LTBP1: variants seen among roughly 807,000 people sequenced by gnomAD.
The protein encoded by LTBP1 is latent transforming growth factor beta binding protein 1, also known as latent-transforming growth factor beta-binding protein 1.
Under a neutral mutation model 207.6 loss-of-function variants are expected in LTBP1, and 129 were observed. The observed-to-expected ratio is 0.62, with a 90% CI of 0.54 to 0.72. The LOEUF is 0.72. Among genes scored for constraint, LTBP1 ranks in the 30% least tolerant of loss-of-function variants. The pLI, the probability that LTBP1 is intolerant of heterozygous loss-of-function variation, is 0.00. For missense variants in LTBP1, 2,281 were observed against 2,217.2 expected, an observed-to-expected ratio of 1.03 and a Z score of -0.58; for synonymous variants, 963 against 833.7, an observed-to-expected ratio of 1.16 and a Z score of -2.67.
chr2:33,173,925 T>G (rs1429383420), intron 5 of LTBP1, among the ~76,000 whole-genome samples: 263 of 139,364 alleles, frequency 1.9e-3, no homozygotes, highest in Non-Finnish European at 2.8e-3. Context: ...TCTCAATAGA[T>G]GCAGAAAAGA....
intron 9 of LTBP1, among the ~76,000 whole-genome samples, chr2:33,232,599 T>C (rs1451039996): frequency 6.6e-6 from 1 of 152,156 alleles, no homozygotes; most frequent in Non-Finnish European, 1.5e-5. Context: ...TGTTTCTTCT[T>C]TTGGGGAGGA....
chr2:33,375,176 A>C (rs187284869), intron 31 of LTBP1, among the ~76,000 whole-genome samples: 4 of 152,172 alleles, frequency 2.6e-5, no homozygotes, highest in Non-Finnish European at 5.9e-5. Context: ...TGGCTCTTAC[A>C]TGCTCAAGAG....
At chr2:33,078,356 C>T (rs34730627) in intron 3 of LTBP1, among the ~76,000 whole-genome samples, 9,887 of 152,200 alleles carry the variant, frequency 0.065, 411 homozygotes, top group South Asian at 0.18. Context: ...TTAGCACAGG[C>T]CCACAGTGCC....
intron 3 of LTBP1, among the ~76,000 whole-genome samples, chr2:33,075,908 T>C (rs1274698816): frequency 1.3e-5 from 2 of 152,246 alleles, no homozygotes; most frequent in Non-Finnish European, 2.9e-5. Context: ...TTCTAGGCAT[T>C]AGGTCCTCTT....
intron 3 of LTBP1, among the ~76,000 whole-genome samples, chr2:33,045,669 T>TGG (rs2076407844): frequency 6.6e-6 from 1 of 152,118 alleles, no homozygotes; most frequent in Admixed American, 6.5e-5. Flanking sequence ...GGTAGCTTGA[T>TGG]GGGGATAGCA....
chr2:32,966,511 G>A (rs1680027966), intron 2 of LTBP1, among the ~76,000 whole-genome samples: 1 of 152,136 alleles, frequency 6.6e-6, no homozygotes. Flanking sequence ...GGTGTTAGCT[G>A]TATGTTTTTT....
chr2:33,278,168 A>T (rs1448958699), intron 18 of LTBP1, among the ~76,000 whole-genome samples: 2 of 152,062 alleles, frequency 1.3e-5, no homozygotes, highest in Non-Finnish European at 2.9e-5. Flanking sequence ...ACGGGTCAAG[A>T]ATGGAAAGAT....
chr2:32,952,444 T>C (rs1348510605), intron 2 of LTBP1, among the ~76,000 whole-genome samples: 3 of 152,228 alleles, frequency 2.0e-5, no homozygotes, highest in Non-Finnish European at 4.4e-5. Flanking sequence ...TCGTGTGGGA[T>C]GTGTCATTTT....
Position 33,372,404 on chromosome 2 carries a change from G to A in LTBP1, c.4711+6901G>A, listed in dbSNP as rs116447768. On this transcript the variant is annotated intron_variant, in intron 31 of 33. Transcript: ENST00000404816. ...AACAATGAGCATAATAAGAGGCAAT[G>A]TGTCATCAAATCTGTAGCCACAGAC... Among the ~76,000 whole-genome samples, 191 of 152,314 alleles carry A rather than the reference G, an allele frequency of 1.3e-3. 3 individuals carry two copies. The highest frequency in any genetic ancestry group is 4.4e-3 in the African/African-American group (183 of 41,584).
intron 31 of LTBP1, among the ~76,000 whole-genome samples, chr2:33,379,024 A>T (rs2095179539): frequency 6.6e-6 from 1 of 152,110 alleles, no homozygotes. Context: ...AGATTACAAA[A>T]CATTAGCTCA....
At chr2:32,972,672 A>T (rs973368923) in intron 2 of LTBP1, among the ~76,000 whole-genome samples, 3 of 152,186 alleles carry the variant, frequency 2.0e-5, no homozygotes, top group Non-Finnish European at 2.9e-5. Flanking sequence ...TGACTGGATC[A>T]TGGGGATGGT....
chr2:33,048,059 C>T (rs553458792), intron 3 of LTBP1, among the ~76,000 whole-genome samples: 19 of 152,064 alleles, frequency 1.2e-4, no homozygotes, highest in African/African-American at 4.6e-4. Flanking sequence ...AAGGGATGAA[C>T]CTTGCATAAA....
At chr2:33,272,039 T>C (rs1369653911) in intron 15 of LTBP1, among the ~76,000 whole-genome samples, 2 of 152,256 alleles carry the variant, frequency 1.3e-5, no homozygotes, top group Non-Finnish European at 2.9e-5. Flanking sequence ...GGGGTGTGCA[T>C]ACATTTCTCA....
chr2:33,300,316 A>G (rs2093961839), intron 20 of LTBP1, 135 bp from the exon 21 acceptor site: 2 of 746,068 alleles, frequency 2.7e-6, no homozygotes, highest in African/African-American at 3.5e-5. Context: ...GGAGTGATAA[A>G]TACTAAAGTG....
At chr2:33,353,259 G>T (rs78590235) in intron 26 of LTBP1, among the ~76,000 whole-genome samples, 1 of 152,084 alleles carries the variant, frequency 6.6e-6, no homozygotes, top group African/African-American at 2.4e-5. Context: ...GATTACAGGC[G>T]TGAGCCACTG....
At chr2:33,023,550 T>C (rs963616168) in intron 3 of LTBP1, among the ~76,000 whole-genome samples, 3 of 152,232 alleles carry the variant, frequency 2.0e-5, no homozygotes, top group East Asian at 1.9e-4. Context: ...AGCATTGTTA[T>C]AGGCATGTAT....
intron 13 of LTBP1, among the ~76,000 whole-genome samples, chr2:33,262,439 A>G (rs1041078121): frequency 2.0e-5 from 3 of 151,920 alleles, no homozygotes; most frequent in African/African-American, 7.3e-5. Context: ...TACTTACAAG[A>G]TCAGACTTTG....
intron 23 of LTBP1, among the ~76,000 whole-genome samples, chr2:33,311,629 C>T (rs962614751): frequency 6.6e-6 from 1 of 151,554 alleles, no homozygotes; most frequent in Non-Finnish European, 1.5e-5. Context: ...TTCTTCTCGT[C>T]ACAATTTGTT....
intron 24 of LTBP1, among the ~76,000 whole-genome samples, chr2:33,334,028 C>T (rs980461458): frequency 4.6e-5 from 7 of 152,234 alleles, no homozygotes; most frequent in African/African-American, 1.2e-4. Flanking sequence ...AGTGGTCAAC[C>T]GCATTGAATA....
Sources: allele counts gnomAD v4.1 joint callset (sites outside exome capture counted in the v4.1 genomes callset), GRCh38; gene constraint gnomAD v4.1.1; transcripts MANE v1.5; gene names NCBI Gene and HGNC (gene_info 2026-07-23, HGNC 2026-07-21).